MTRR: variants seen among roughly 807,000 people sequenced by gnomAD.
The protein encoded by MTRR is methionine synthase reductase.
MTRR carries 63 observed loss-of-function variants against 79.2 expected under a neutral mutation model. The observed-to-expected ratio is 0.80, with a 90% CI of 0.65 to 0.98. The LOEUF (loss-of-function observed/expected upper bound fraction) is 0.98, where lower values mean the gene tolerates loss of function less well. Among genes scored for constraint, MTRR ranks in the 50% least tolerant of loss-of-function variants. The pLI is 0.00. For missense variants in MTRR, 895 were observed against 839.6 expected (o/e 1.07, Z -0.82); for synonymous variants, 355 against 313.3 (o/e 1.13, Z -1.41).
At chr5:7,890,620 T>C (rs1025582220) in intron 9 of MTRR, among the ~76,000 whole-genome samples, 8 of 152,150 alleles carry the variant, frequency 5.3e-5, no homozygotes, top group South Asian at 2.1e-4. Context: ...ATCTAAAGCT[T>C]GATATTAAGT....
Position 7,873,521 on chromosome 5 carries a change from T to C in MTRR, c.278T>C (p.Leu93Ser). The C allele has an allele frequency of 6.2e-7, 1 of 1,614,148 alleles. No homozygotes were observed. Among genetic ancestry groups the C allele is most frequent in the Non-Finnish European group, 8.5e-7 (1 of 1,179,986 alleles). ...TTCTTTGCTCACCTGCGGTATGGGT[T>C]ACTGGGTAATGGACTCTCTCTTCTG... ...VDFFAHLRYG[L>S]LGLGDSEYTY... is the part of the protein sequence containing the mutation. The change falls in exon 3 of 15, where the codon TTA (leucine) becomes TCA (serine). Residue 93 changes from leucine to serine, a missense_variant. Physicochemically the swap from Leu to Ser is moderately radical, Grantham distance 145. Transcript: ENST00000440940.
At chr5:7,874,156 T>G (rs1341194722) in intron 3 of MTRR, among the ~76,000 whole-genome samples, 12 of 152,148 alleles carry the variant, frequency 7.9e-5, no homozygotes, top group Admixed American at 7.2e-4. Context: ...TTAAAAATGT[T>G]AAAGGATCAA....
At chr5:7,893,023 A>G in intron 11 of MTRR, 110 bp downstream of exon 11, 2 of 1,285,768 alleles carry the variant, frequency 1.6e-6, no homozygotes, top group Admixed American at 4.1e-5. Context: ...AAGAAAATTT[A>G]TGCTGTTCTT....
At chr5:7,874,137 A>G (rs1217979454) in intron 3 of MTRR, among the ~76,000 whole-genome samples, 1 of 152,224 alleles carries the variant, frequency 6.6e-6, no homozygotes, top group African/African-American at 2.4e-5. Flanking sequence ...GGACTCTGTG[A>G]ACCATAGTTT....
chr5:7,879,355 G>A (rs974245469), intron 5 of MTRR, among the ~76,000 whole-genome samples: 2 of 151,408 alleles, frequency 1.3e-5, no homozygotes, highest in South Asian at 2.1e-4. Context: ...TAAATTAGCC[G>A]GAAGATCTGT....
intron 5 of MTRR, among the ~76,000 whole-genome samples, chr5:7,881,267 T>G (rs1429762663): frequency 6.6e-6 from 1 of 152,064 alleles, no homozygotes; most frequent in African/African-American, 2.4e-5. Flanking sequence ...GTCGTATACT[T>G]TCTTAGGGGT....
chr5:7,891,941 C>G (rs1325839146), intron 10 of MTRR, among the ~76,000 whole-genome samples: 3 of 152,038 alleles, frequency 2.0e-5, no homozygotes, highest in Non-Finnish European at 2.9e-5. Context: ...ACTTGGGAGG[C>G]TGAGGTGGGA....
intron 6 of MTRR, 40 bp downstream of exon 6, chr5:7,883,317 C>T: frequency 6.2e-7 from 1 of 1,612,954 alleles, no homozygotes; most frequent in Non-Finnish European, 8.5e-7. Flanking sequence ...GTAATATTGT[C>T]AGGATGTGCA....
At chr5:7,888,069 A>G (rs1736923294) in intron 8 of MTRR, among the ~76,000 whole-genome samples, 2 of 151,932 alleles carry the variant, frequency 1.3e-5, no homozygotes, top group African/African-American at 4.8e-5. Flanking sequence ...ATACACCATT[A>G]TTTGTTGATG....
Position 7,897,221 on chromosome 5 carries a change from G to A in MTRR, c.1926G>A (p.Gln642=). 6.2e-7 allele frequency: 1 copy of A among 1,614,110 alleles called. No homozygotes were observed. Among genetic ancestry groups the A allele is most frequent in the Middle Eastern group, 1.7e-4 (1 of 6,056 alleles). ...HGQQVARILL[Q]ENGHIYVCGD... ...AGCAGGTGGCGAGAATCCTCCTCCA[G>A]GAGAACGGCCATATTTATGTGTGTG... Residue 642 remains glutamine, a synonymous_variant, in exon 14 of 15, where the codon CAG becomes CAA. Transcript: ENST00000440940.
At chr5:7,875,060 C>T in intron 3 of MTRR, 198 bp from the exon 4 acceptor site, 1 of 581,030 alleles carries the variant, frequency 1.7e-6, no homozygotes, top group South Asian at 2.1e-5. Context: ...ATTATATCTG[C>T]TACTTTTATA....
At chr5:7,862,234 G>C (rs573635483) in intron 2 of MTRR, among the ~76,000 whole-genome samples, 1 of 152,306 alleles carries the variant, frequency 6.6e-6, no homozygotes, top group East Asian at 1.9e-4. Flanking sequence ...CATCAAGTTA[G>C]AAGAACTGTA....
At position 7,869,344 on chromosome 5, in the gene MTRR, C is replaced by T. The variant is rs910714381; in HGVS notation, c.-26+129C>T. The T allele has an allele frequency of 1.2e-4, 95 of 802,988 alleles. No individual in the cohort carries two copies. In the Admixed American group the frequency reaches 2.0e-3, roughly 17 times the overall value. 49.7% of individuals were successfully genotyped at this position (802,988 alleles called of 1,614,324 possible). ...CGTGGTTCCCACGCCCTTCGGCCTCCGGGGGTCGCCGCGGGCGCGGGCTGG... is the reference window on the plus strand; with the variant it reads ...CGTGGTTCCCACGCCCTTCGGCCTCTGGGGGTCGCCGCGGGCGCGGGCTGG... On this transcript the variant is annotated intron_variant, in intron 1 of 14. Coordinates refer to ENST00000440940, the MANE Select transcript of MTRR (RefSeq NM_002454.3).
At chr5:7,875,612 A>T (rs1734406835) in intron 4 of MTRR, among the ~76,000 whole-genome samples, 1 of 152,238 alleles carries the variant, frequency 6.6e-6, no homozygotes, top group African/African-American at 2.4e-5. Flanking sequence ...GAGTTAGAAA[A>T]GGTGCTCCAG....
intron 5 of MTRR, among the ~76,000 whole-genome samples, chr5:7,879,102 A>G (rs937634942): frequency 1.3e-5 from 2 of 152,202 alleles, no homozygotes; most frequent in African/African-American, 4.8e-5. Flanking sequence ...ATGTCTTTCT[A>G]AAGCTTTCAT....
In MTRR at chr5:7,878,191, T is replaced by C. The variant is rs115741769; in HGVS notation, c.649T>C (p.Ser217Pro). The C allele has an allele frequency of 1.9e-6, 3 of 1,614,168 alleles. No individual in the cohort carries two copies. The highest frequency in any genetic ancestry group is 2.7e-5 in the African/African-American group (2 of 75,032). ...LKQNAVNSNQSNVVIEDFESS... is the reference protein window; with the variant it reads ...LKQNAVNSNQPNVVIEDFESS... Reference sequence around the variant, plus strand: ...GCAAAATGCAGTGAACAGCAACCAATCCAATGTTGTAATTGAAGACTTTGA... The same window carrying C: ...GCAAAATGCAGTGAACAGCAACCAACCCAATGTTGTAATTGAAGACTTTGA... The change falls in exon 5 of 15, where the codon TCC (serine) becomes CCC (proline). Residue 217 changes from serine to proline, a missense_variant. Physicochemically the swap from Ser to Pro is moderately conservative, Grantham distance 74 (BLOSUM62 -1). Transcript: ENST00000440940.
chr5:7,856,534 A>G (rs985377529), intron 1 of MTRR, among the ~76,000 whole-genome samples: 3 of 152,128 alleles, frequency 2.0e-5, no homozygotes, highest in East Asian at 1.9e-4. Flanking sequence ...ATTGCACCCA[A>G]TGTTCACTGA....
At chr5:7,871,616 G>A (rs1378381862) in intron 2 of MTRR, among the ~76,000 whole-genome samples, 1 of 152,188 alleles carries the variant, frequency 6.6e-6, no homozygotes, top group African/African-American at 2.4e-5. Flanking sequence ...TTCAGAGACT[G>A]TCCTGCCAGT....
chr5:7,869,014 G>A (rs1260669302), upstream of MTRR: 3 of 1,226,628 alleles, frequency 2.4e-6, no homozygotes, highest in African/African-American at 4.5e-5. Context: ...GGTGGTCGCG[G>A]AAGCGCCTGG....
Sources: gnomAD v4.1 joint callset for allele counts (sites outside exome capture counted in the v4.1 genomes callset) on GRCh38, gnomAD v4.1.1 for gene constraint, MANE v1.5 for transcripts, NCBI Gene and HGNC (gene_info 2026-07-23, HGNC 2026-07-21) for gene names.